The following PRIMA1 variants were observed in gnomAD, a reference collection of about 807,000 sequenced individuals.
PRIMA1 encodes proline-rich membrane anchor 1.
PRIMA1 carries 7 observed loss-of-function variants against 17.5 expected under a neutral mutation model. The observed-to-expected ratio is 0.40, with a 90% CI of 0.23 to 0.75. The LOEUF (loss-of-function observed/expected upper bound fraction) is 0.75. PRIMA1 is among the 30% of genes least tolerant of loss of function. The pLI is 0.37. For missense variants in PRIMA1, 200 were observed against 201.8 expected (o/e 0.99, Z 0.05); for synonymous variants, 97 against 77.9 (o/e 1.25, Z -1.29).
At chr14:93,766,676 A>T (rs916695989) in intron 3 of PRIMA1, among the ~76,000 whole-genome samples, 1 of 152,208 alleles carries the variant, frequency 6.6e-6, no homozygotes, top group East Asian at 1.9e-4. Context: ...AACAAATTGC[A>T]GACGCTCCTC....
intron 3 of PRIMA1, among the ~76,000 whole-genome samples, chr14:93,756,766 T>C (rs1415009151): frequency 1.3e-5 from 2 of 151,600 alleles, no homozygotes; most frequent in Non-Finnish European, 2.9e-5. Context: ...CCCCTGCCCC[T>C]CTCCTCCCCC....
In PRIMA1 at chr14:93,765,763, G is replaced by C. The variant is rs552190401; in HGVS notation, c.229+13413C>G. 6.6e-5 allele frequency among the ~76,000 whole-genome samples: 10 copies of C among 152,136 alleles called. No homozygotes were observed. The South Asian group carries it at 2.1e-3, about 32-fold the overall frequency. On this transcript the variant is annotated intron_variant, in intron 3 of 4. Coordinates refer to ENST00000393140, the MANE Select transcript of PRIMA1 (RefSeq NM_178013.4). ...AGACATTCTTCCTCTCCCTCTTAAT[G>C]ATCAGTCACTTTGGGGAAACCAAGT...
At chr14:93,779,133 A>G (rs377254037) in intron 3 of PRIMA1, 43 bp downstream of exon 3, 4 of 1,407,896 alleles carry the variant, frequency 2.8e-6, no homozygotes, top group Admixed American at 6.0e-5. Flanking sequence ...GGGCCTAGGA[A>G]AACACAAAGA....
intron 3 of PRIMA1, among the ~76,000 whole-genome samples, chr14:93,748,565 G>A (rs536850278): frequency 1.2e-4 from 19 of 152,200 alleles, no homozygotes; most frequent in Admixed American, 6.5e-4. Flanking sequence ...CACAGGCAGC[G>A]GCACCGGGAG....
rs915300106 is a variant in PRIMA1 at position 93,726,175 on chromosome 14, C to T, written c.360-4629G>A. On this transcript the variant is annotated intron_variant, in intron 4 of 4. Transcript: ENST00000393140. This position sits in a 1 kb window ranked among gnomAD's most constrained non-coding sequence, Gnocchi z 4.2. ...GGAGTGCCGCGCGGACAGCTCCAGC[C>T]GCACATGCCAGCAGCCACGAGGGGC... is the stretch of plus-strand genomic sequence containing the variant. Among the ~76,000 whole-genome samples, 5 of 152,176 alleles carry T rather than the reference C, an allele frequency of 3.3e-5. No individual in the cohort carries two copies. The highest frequency in any genetic ancestry group is 1.9e-4 in the East Asian group (1 of 5,184).
At chr14:93,772,527 A>T (rs1885099942) in intron 3 of PRIMA1, among the ~76,000 whole-genome samples, 1 of 152,234 alleles carries the variant, frequency 6.6e-6, no homozygotes. Context: ...CAGGCAGGCC[A>T]TGGCTGACAT....
At chr14:93,743,398 C>T (rs535215198) in intron 3 of PRIMA1, among the ~76,000 whole-genome samples, 4 of 152,356 alleles carry the variant, frequency 2.6e-5, no homozygotes, top group African/African-American at 4.8e-5. Context: ...AAGGACCTGG[C>T]GCTTCACTGG....
intron 3 of PRIMA1, among the ~76,000 whole-genome samples, chr14:93,775,733 C>T (rs1422954189): frequency 6.6e-6 from 1 of 152,274 alleles, no homozygotes; most frequent in Admixed American, 6.5e-5. Flanking sequence ...GTCTAATCCA[C>T]CTTCCATGCC....
At chr14:93,738,575 G>A (rs1002465765) in intron 3 of PRIMA1, among the ~76,000 whole-genome samples, 3 of 152,168 alleles carry the variant, frequency 2.0e-5, no homozygotes, top group Non-Finnish European at 4.4e-5. Context: ...TCCACTCTAT[G>A]ATAGATACTT....
intron 4 of PRIMA1, among the ~76,000 whole-genome samples, chr14:93,729,333 T>A (rs1195426707): frequency 6.6e-6 from 1 of 152,106 alleles, no homozygotes; most frequent in East Asian, 1.9e-4. Context: ...CTGGGTTGGA[T>A]TTGGGGCAGT....
intron 3 of PRIMA1, among the ~76,000 whole-genome samples, chr14:93,744,164 A>G (rs1453130247): frequency 6.6e-6 from 1 of 152,336 alleles, no homozygotes; most frequent in East Asian, 1.9e-4. Context: ...AGCCTCATTT[A>G]TGAACTGCCC....
At chr14:93,772,920 T>C (rs1044235112) in intron 3 of PRIMA1, among the ~76,000 whole-genome samples, 1 of 152,196 alleles carries the variant, frequency 6.6e-6, no homozygotes, top group African/African-American at 2.4e-5. Context: ...ATTAGAATTA[T>C]TTATGAGCTG....
intron 3 of PRIMA1, 99 bp from the exon 4 acceptor site, chr14:93,737,469 G>A: frequency 7.0e-7 from 1 of 1,418,500 alleles, no homozygotes; most frequent in South Asian, 1.3e-5. Context: ...AGAGGCGTGG[G>A]GAGGTCACTG....
At chr14:93,735,443 C>A (rs2076143450) in intron 4 of PRIMA1, among the ~76,000 whole-genome samples, 2 of 152,190 alleles carry the variant, frequency 1.3e-5, no homozygotes, top group African/African-American at 4.8e-5. Context: ...TCCTCCCATT[C>A]CAGCAGGCCC....
rs2076018988 is a variant in PRIMA1, at chr14:93,718,699, T to C, written c.*2745A>G. 1 of 152,422 alleles carries C rather than the reference T, an allele frequency of 6.6e-6. No homozygotes were observed. Among genetic ancestry groups the C allele is most frequent in the Non-Finnish European group, 1.5e-5 (1 of 68,020 alleles). 9.4% of individuals were successfully genotyped at this position (152,422 alleles called of 1,614,324 possible). ...TAGCTATATATAATATATATGTTTA[T>C]ATGTTTACACCTATTAGTCTTTCTT... is the stretch of plus-strand genomic sequence containing the variant. On this transcript the variant is annotated 3_prime_UTR_variant, in exon 5 of 5. Transcript: ENST00000393140.
At position 93,787,637 on chromosome 14, in the gene PRIMA1, C is replaced by G. The variant is rs750307297; in HGVS notation, c.82G>C (p.Gly28Arg). The G allele has an allele frequency of 1.9e-6, 3 of 1,542,028 alleles. No individual in the cohort carries two copies. The East Asian group carries it at 7.3e-5, about 38-fold the overall frequency. Residue 28 changes from glycine to arginine, a missense_variant, in exon 2 of 5, where the codon GGC becomes CGC. Gly to Arg is a moderately radical substitution (Grantham distance 125, BLOSUM62 -2). Transcript: ENST00000393140. ...LLHCALHPLWGFVQVTHGEPQ... is the reference protein window; with the variant it reads ...LLHCALHPLWRFVQVTHGEPQ... ...CCGGCGCGTCTCACCTGCACGAAGC[C>G]CCAGAGCGGGTGGAGCGCGCAGTGC...
chr14:93,773,053 T>C (rs748842745), intron 3 of PRIMA1, among the ~76,000 whole-genome samples: 1 of 152,168 alleles, frequency 6.6e-6, no homozygotes, highest in Non-Finnish European at 1.5e-5. Context: ...CATTTGGAAA[T>C]TGGGGCTCCA....
chr14:93,781,710 C>T (rs950349067), intron 2 of PRIMA1, among the ~76,000 whole-genome samples: 4 of 152,232 alleles, frequency 2.6e-5, no homozygotes, highest in Non-Finnish European at 5.9e-5. Flanking sequence ...ACTGATAGTT[C>T]TCGCCTGTAA....
intron 2 of PRIMA1, among the ~76,000 whole-genome samples, chr14:93,782,881 T>C (rs60346300): frequency 0.11 from 16,524 of 152,238 alleles, 1,122 homozygotes; most frequent in Admixed American, 0.21. Flanking sequence ...CCTTCAAACC[T>C]ATCTCTTGAA....
Sources: allele counts gnomAD v4.1 joint callset (sites outside exome capture counted in the v4.1 genomes callset), GRCh38; gene constraint gnomAD v4.1.1; non-coding constraint Gnocchi (gnomAD v3.1); transcripts MANE v1.5; gene names NCBI Gene and HGNC (gene_info 2026-07-23, HGNC 2026-07-21).